Variants in CMIP observed in about 807,000 individuals in gnomAD.
The protein encoded by CMIP is C-Maf-inducing protein.
CMIP carries 13 observed loss-of-function variants against 97.3 expected under a neutral mutation model. The observed-to-expected ratio is 0.13, with a 90% confidence interval of 0.09 to 0.21. CMIP has a LOEUF of 0.21. Ranked by LOEUF, CMIP falls within the 10% of genes least tolerant of loss-of-function variation. The pLI is 1.00. For synonymous variants in CMIP, 538 were observed against 436.3 expected, an observed-to-expected ratio of 1.23 and a Z score of -2.91; for missense variants, 847 against 1,024.9, an observed-to-expected ratio of 0.83 and a Z score of 2.37.
chr16:81,498,411 G>A (rs1050159415), intron 1 of CMIP, among the ~76,000 whole-genome samples: 1 of 152,150 alleles, frequency 6.6e-6, no homozygotes, highest in African/African-American at 2.4e-5. Context: ...GGCCTTTTTG[G>A]TCTGGGTCCT....
chr16:81,535,464 T>G (rs1483498039), intron 1 of CMIP, among the ~76,000 whole-genome samples: 1 of 131,026 alleles, frequency 7.6e-6, no homozygotes, highest in Non-Finnish European at 1.7e-5. Context: ...AGCACTGGAA[T>G]GCTTTTTTTT....
In CMIP at chr16:81,444,841, C is replaced by A. The variant is rs1399173208; in HGVS notation, c.-401C>A. ...CCGGACGGCCGCGCGGACACACGCT[C>A]TGTACACACGCGCGCGGCGGCGCGG... On this transcript the variant is annotated 5_prime_UTR_variant, in exon 1 of 21. The change creates a new upstream start codon in the 5' untranslated region. Coordinates refer to ENST00000537098, the MANE Select transcript of CMIP (RefSeq NM_198390.3). 6.9e-6 allele frequency among the ~76,000 whole-genome samples: 1 copy of A among 144,874 alleles called. No individual in the cohort carries two copies.
chr16:81,492,961 G>T (rs769576717), intron 1 of CMIP, among the ~76,000 whole-genome samples: 1 of 152,146 alleles, frequency 6.6e-6, no homozygotes, highest in Admixed American at 6.5e-5. Context: ...GCGAGAAGAT[G>T]CAGATGCCCC....
chr16:81,523,322 C>T (rs1249573054), intron 1 of CMIP, among the ~76,000 whole-genome samples: 1 of 152,204 alleles, frequency 6.6e-6, no homozygotes, highest in African/African-American at 2.4e-5. Flanking sequence ...ATATCTAGTT[C>T]ATTTCTTTTG....
intron 1 of CMIP, among the ~76,000 whole-genome samples, chr16:81,568,753 C>T (rs996425904): frequency 6.6e-6 from 1 of 152,200 alleles, no homozygotes; most frequent in Non-Finnish European, 1.5e-5. Flanking sequence ...GGCTCCATAA[C>T]AAAGTGACCC....
intron 1 of CMIP, among the ~76,000 whole-genome samples, chr16:81,598,258 A>G (rs1450887885): frequency 6.6e-6 from 1 of 151,810 alleles, no homozygotes; most frequent in Non-Finnish European, 1.5e-5. Context: ...TCTACAACAG[A>G]GCTGACCAAC....
chr16:81,569,408 T>G (rs940978024), intron 1 of CMIP, among the ~76,000 whole-genome samples: 1 of 152,212 alleles, frequency 6.6e-6, no homozygotes, highest in Non-Finnish European at 1.5e-5. Flanking sequence ...GCTCTCCTTT[T>G]TTGCTTATTT....
In CMIP at chr16:81,569,311, C is replaced by T. The variant is rs138994101; in HGVS notation, c.301-38256C>T. On this transcript the variant is annotated intron_variant, in intron 1 of 20. Transcript: ENST00000537098. Reference sequence around the variant, plus strand: ...CACTTCGCAGAGGCAAAAACTGAGGCGCAGAATGATGAAATGACTTCGGCG... The same window carrying T: ...CACTTCGCAGAGGCAAAAACTGAGGTGCAGAATGATGAAATGACTTCGGCG... 8.4e-3 allele frequency among the ~76,000 whole-genome samples: 1,280 copies of T among 152,304 alleles called. 11 individuals carry two copies. Among genetic ancestry groups the T allele is most frequent in the African/African-American group, 0.028 (1,171 of 41,544 alleles).
At chr16:81,601,277 T>C (rs1425761518) in intron 1 of CMIP, among the ~76,000 whole-genome samples, 5 of 152,204 alleles carry the variant, frequency 3.3e-5, no homozygotes, top group Non-Finnish European at 5.9e-5. Flanking sequence ...GACGTCATGA[T>C]TCGTATTCAC....
intron 1 of CMIP, among the ~76,000 whole-genome samples, chr16:81,483,630 G>T (rs1030419569): frequency 1.3e-5 from 2 of 148,688 alleles, no homozygotes; most frequent in Admixed American, 1.3e-4. Context: ...TCCCCCAGCT[G>T]CCCACTGTTT....
chr16:81,706,277 A>T (rs1258698970), intron 19 of CMIP, among the ~76,000 whole-genome samples: 1 of 151,972 alleles, frequency 6.6e-6, no homozygotes, highest in Admixed American at 6.6e-5. Flanking sequence ...CTTCCCGGGG[A>T]GGTGCTGTTG....
At chr16:81,694,169 G>A (rs989916675) in intron 13 of CMIP, among the ~76,000 whole-genome samples, 1 of 152,170 alleles carries the variant, frequency 6.6e-6, no homozygotes, top group Non-Finnish European at 1.5e-5. Flanking sequence ...TTGCGCGGCT[G>A]GTCCACGACT....
At chr16:81,548,252 G>C (rs909603635) in intron 1 of CMIP, among the ~76,000 whole-genome samples, 15 of 150,574 alleles carry the variant, frequency 1.0e-4, no homozygotes, top group African/African-American at 3.7e-4. Flanking sequence ...TCCTCCCTCA[G>C]CCTCCTAAGT....
Position 81,616,575 on chromosome 16 carries a change from T to C in CMIP, c.427-4301T>C, listed in dbSNP as rs2091921620. Among the ~76,000 whole-genome samples the C allele has an allele frequency of 6.6e-6, 1 of 152,210 alleles. No homozygotes were observed. Among genetic ancestry groups the C allele is most frequent in the Admixed American group, 6.5e-5 (1 of 15,290 alleles). On this transcript the variant is annotated intron_variant, in intron 2 of 20. Transcript: ENST00000537098. This position sits in a 1 kb window ranked among gnomAD's most constrained non-coding sequence, Gnocchi z 4.7. ...CTGTGTCATACCTGTTTAGCTGGGA[T>C]CTGCAAACTAAACCTGCCTTCTTGA...
chr16:81,476,223 G>C, intron 1 of CMIP: 2 of 1,405,284 alleles, frequency 1.4e-6, no homozygotes, highest in African/African-American at 1.4e-5. Flanking sequence ...CATTTGCCAT[G>C]GACAAGATGC....
At chr16:81,672,753 T>C (rs1245365351) in intron 9 of CMIP, among the ~76,000 whole-genome samples, 2 of 152,118 alleles carry the variant, frequency 1.3e-5, no homozygotes, top group African/African-American at 4.8e-5. Context: ...TATTTAAAAT[T>C]TTTTTGTAAA....
intron 1 of CMIP, among the ~76,000 whole-genome samples, chr16:81,578,898 C>T (rs2091248186): frequency 6.6e-6 from 1 of 152,236 alleles, no homozygotes; most frequent in Non-Finnish European, 1.5e-5. Flanking sequence ...AAGGTTGTGC[C>T]ATCTGACCCC....
intron 9 of CMIP, among the ~76,000 whole-genome samples, chr16:81,675,508 C>G (rs1281003820): frequency 6.6e-6 from 1 of 152,080 alleles, no homozygotes; most frequent in African/African-American, 2.4e-5. Context: ...GGTGAGCCAC[C>G]ATGCCCGTGT....
chr16:81,473,208 C>T (rs1907666051), intron 1 of CMIP, among the ~76,000 whole-genome samples: 2 of 152,234 alleles, frequency 1.3e-5, no homozygotes, highest in African/African-American at 4.8e-5. Flanking sequence ...TCTGTCTCTG[C>T]AGGACGACGT....
Sources: allele counts gnomAD v4.1 joint callset (sites outside exome capture counted in the v4.1 genomes callset), GRCh38; gene constraint gnomAD v4.1.1; non-coding constraint Gnocchi (gnomAD v3.1); transcripts MANE v1.5; gene names NCBI Gene and HGNC (gene_info 2026-07-23, HGNC 2026-07-21).